RIMS1: variants seen among roughly 807,000 people sequenced by gnomAD.
RIMS1 encodes regulating synaptic membrane exocytosis 1, also known as regulating synaptic membrane exocytosis protein 1.
A neutral mutation model predicts 214.1 loss-of-function variants in RIMS1; 83 were observed. That is an observed-to-expected ratio of 0.39 (90% CI 0.32 to 0.47). The LOEUF (loss-of-function observed/expected upper bound fraction) is 0.47, where lower values mean the gene tolerates loss of function less well. Ranked by LOEUF, RIMS1 falls within the 20% of genes least tolerant of loss-of-function variation. RIMS1 has a pLI of 0.99. For missense variants in RIMS1, 2,050 were observed against 2,161.8 expected (o/e 0.95, Z 1.03); for synonymous variants, 793 against 786.8 (o/e 1.01, Z -0.13).
chr6:72,250,281 G>T, intron 12 of RIMS1, 49 bp from the exon 13 acceptor site: 1 of 1,554,980 alleles, frequency 6.4e-7, no homozygotes. Context: ...ATGTAAAATT[G>T]TAATGCCTCA....
At chr6:72,280,908 T>G (rs1281013498) in intron 23 of RIMS1, among the ~76,000 whole-genome samples, 2 of 152,168 alleles carry the variant, frequency 1.3e-5, no homozygotes, top group Non-Finnish European at 2.9e-5. Flanking sequence ...CTACAAATAC[T>G]ACAATACTGA....
chr6:72,234,265 A>G (rs2063178412), intron 7 of RIMS1, among the ~76,000 whole-genome samples: 1 of 152,040 alleles, frequency 6.6e-6, no homozygotes, highest in African/African-American at 2.4e-5. Flanking sequence ...GAAAATTTTT[A>G]TAAGCCAAGG....
chr6:71,910,280 G>A (rs550524527), intron 1 of RIMS1, among the ~76,000 whole-genome samples: 14 of 152,222 alleles, frequency 9.2e-5, no homozygotes, highest in Middle Eastern at 3.4e-3. Context: ...TATTATTTTA[G>A]GAGGAAAGAA....
intron 4 of RIMS1, among the ~76,000 whole-genome samples, chr6:72,149,724 A>G (rs565067500): frequency 6.6e-6 from 1 of 152,354 alleles, no homozygotes; most frequent in South Asian, 2.1e-4. Flanking sequence ...ATGAGCCCCT[A>G]GAAATGATGC....
intron 4 of RIMS1, among the ~76,000 whole-genome samples, chr6:72,116,970 C>T (rs1488756007): frequency 6.6e-6 from 1 of 151,798 alleles, no homozygotes; most frequent in Non-Finnish European, 1.5e-5. Flanking sequence ...TCATGACAAC[C>T]TTATTAATAT....
intron 4 of RIMS1, among the ~76,000 whole-genome samples, chr6:72,129,966 GTTTTC>G (rs1394496450): frequency 2.2e-4 from 33 of 152,092 alleles, no homozygotes; most frequent in African/African-American, 7.7e-4. Flanking sequence ...TTCTTTACAA[GTTTTC>G]TTTTCTACCT....
At chr6:71,977,045 T>C (rs779508181) in intron 2 of RIMS1, among the ~76,000 whole-genome samples, 11 of 152,148 alleles carry the variant, frequency 7.2e-5, no homozygotes, top group African/African-American at 2.7e-4. Context: ...CACAACTCTG[T>C]GTCCTACAAT....
intron 29 of RIMS1, among the ~76,000 whole-genome samples, chr6:72,385,012 C>T (rs1051933610): frequency 2.6e-5 from 4 of 152,074 alleles, no homozygotes; most frequent in East Asian, 1.9e-4. Context: ...TTTGCCCTTC[C>T]GGAACACGGG....
chr6:72,087,209 T>C (rs1834887412), intron 2 of RIMS1, among the ~76,000 whole-genome samples: 1 of 152,086 alleles, frequency 6.6e-6, no homozygotes, highest in African/African-American at 2.4e-5. Flanking sequence ...ATCCATGAAG[T>C]TCAAGATGCT....
chr6:72,314,237 A>T (rs2095650478), intron 28 of RIMS1, among the ~76,000 whole-genome samples: 1 of 152,230 alleles, frequency 6.6e-6, no homozygotes, highest in South Asian at 2.1e-4. Context: ...TCCAAGTGCT[A>T]TCTAAACTAA....
chr6:72,245,902 T>A, intron 11 of RIMS1, 41 bp downstream of exon 11: 1 of 1,341,480 alleles, frequency 7.5e-7, no homozygotes, highest in East Asian at 2.3e-5. Context: ...AGTATTGAAC[T>A]AATTGAAAGT....
intron 4 of RIMS1, among the ~76,000 whole-genome samples, chr6:72,145,488 T>A (rs1261304684): frequency 6.6e-6 from 1 of 152,140 alleles, no homozygotes; most frequent in East Asian, 1.9e-4. Context: ...GGCACACTCC[T>A]GTAGTCCCAG....
intron 1 of RIMS1, among the ~76,000 whole-genome samples, chr6:71,945,522 C>A (rs1481030723): frequency 1.3e-5 from 2 of 152,000 alleles, no homozygotes. Flanking sequence ...TACATGAACA[C>A]AATAAAGATC....
Position 72,054,895 on chromosome 6 carries a change from A to T in RIMS1, c.246-42054A>T, listed in dbSNP as rs573555688. Among the ~76,000 whole-genome samples the T allele has an allele frequency of 1.2e-4, 19 of 152,254 alleles. No homozygotes were observed. The South Asian group carries it at 3.9e-3, about 32-fold the overall frequency. On this transcript the variant is annotated intron_variant, in intron 2 of 33. Coordinates refer to ENST00000521978, the MANE Select transcript of RIMS1 (RefSeq NM_014989.7). ...TAGGTTGCCTATTCATTCTGATGGT[A>T]GTTCTTTTGCTGTGCAGAAGCTCTT...
At chr6:71,911,004 T>C (rs1776716972) in intron 1 of RIMS1, among the ~76,000 whole-genome samples, 1 of 151,886 alleles carries the variant, frequency 6.6e-6, no homozygotes, top group South Asian at 2.1e-4. Flanking sequence ...TATAGAGGAG[T>C]CAAATCTAAT....
At chr6:72,001,018 A>G (rs567765025) in intron 2 of RIMS1, among the ~76,000 whole-genome samples, 2 of 130,036 alleles carry the variant, frequency 1.5e-5, no homozygotes, top group South Asian at 5.5e-4. Flanking sequence ...AATTTAAAAC[A>G]CCTGTAAAAA....
intron 1 of RIMS1, among the ~76,000 whole-genome samples, chr6:71,951,492 T>TTTTTGTG (rs1162341760): frequency 6.0e-4 from 70 of 117,490 alleles, no homozygotes; most frequent in East Asian, 5.9e-3. Context: ...TTTTTTTTTT[T>TTTTTGTG]TGTGTGTGTG....
intron 2 of RIMS1, among the ~76,000 whole-genome samples, chr6:72,095,232 G>A (rs951860002): frequency 6.6e-6 from 1 of 150,492 alleles, no homozygotes; most frequent in African/African-American, 2.4e-5. Context: ...CAAAGTGCTG[G>A]GATTACAGGC....
intron 9 of RIMS1, among the ~76,000 whole-genome samples, chr6:72,241,986 A>G (rs1202857759): frequency 1.3e-5 from 2 of 152,190 alleles, no homozygotes; most frequent in African/African-American, 4.8e-5. Flanking sequence ...AATGTTTCCA[A>G]ATAGGCTGTG....
Sources: gnomAD v4.1 joint callset for allele counts (sites outside exome capture counted in the v4.1 genomes callset) on GRCh38, gnomAD v4.1.1 for gene constraint, MANE v1.5 for transcripts, NCBI Gene and HGNC (gene_info 2026-07-23, HGNC 2026-07-21) for gene names.